MILR1: variants seen among roughly 807,000 people sequenced by gnomAD.
MILR1 encodes mast cell immunoglobulin like receptor 1, also known as allergin-1.
MILR1 carries 31 observed loss-of-function variants against 18.5 expected under a neutral mutation model. The ratio of observed to expected loss-of-function variants is 1.68; its 90% CI spans 1.26 to 2.26. The LOEUF (loss-of-function observed/expected upper bound fraction) is 2.26. MILR1 is among the 30% of genes most tolerant of loss of function. The pLI, the probability that MILR1 is intolerant of heterozygous loss-of-function variation, is 0.00. For synonymous variants in MILR1, 85 were observed against 56.2 expected (o/e 1.51, Z -2.30); for missense variants, 257 against 157.4 (o/e 1.63, Z -3.38).
rs782779208 is a variant in MILR1 at position 64,466,408 on chromosome 17, C to T, written c.854-34C>T. ...CCGACCTTTTCTAACACAAACGCCACCAACCCCCAATTTATGTCATTCTCA... is the reference window on the plus strand; with the variant it reads ...CCGACCTTTTCTAACACAAACGCCATCAACCCCCAATTTATGTCATTCTCA... On this transcript the variant is annotated intron_variant, in intron 6 of 9. Transcript: ENST00000619286. 5.0e-6 allele frequency: 8 copies of T among 1,601,128 alleles called. No individual in the cohort carries two copies. The East Asian group carries it at 1.8e-4, about 36-fold the overall frequency.
the MILR1 span, chr17:64,492,760 C>T: frequency 6.2e-7 from 1 of 1,611,590 alleles, no homozygotes; most frequent in South Asian, 1.1e-5. Context: ...AAGCTTCAGT[C>T]TTCTCACCAA....
intron 6 of MILR1, 43 bp from the exon 7 acceptor site, chr17:64,466,394 TAACAC>T: frequency 8.3e-6 from 13 of 1,558,618 alleles, no homozygotes; most frequent in Non-Finnish European, 1.1e-5. Context: ...CGACCTTTTC[TAACAC>T]AAACGCCACC....
At chr17:64,464,341 C>T (rs2037501223) in intron 5 of MILR1, among the ~76,000 whole-genome samples, 1 of 149,656 alleles carries the variant, frequency 6.7e-6, no homozygotes, top group South Asian at 2.1e-4. Context: ...AACTCCTGGA[C>T]TCAAACCATC....
chr17:64,464,793 A>G (rs538728742), intron 5 of MILR1, among the ~76,000 whole-genome samples: 1 of 152,330 alleles, frequency 6.6e-6, no homozygotes, highest in East Asian at 1.9e-4. Context: ...GCATTGTGGC[A>G]CATGCCTGTA....
Position 64,466,503 on chromosome 17 carries a change from G to A in MILR1, c.910+5G>A. 6.2e-7 allele frequency: 1 copy of A among 1,613,714 alleles called. No homozygotes were observed. The highest frequency in any genetic ancestry group is 8.5e-7 in the Non-Finnish European group (1 of 1,179,714). ...GTGTTTCCACAGCCCAAGATGGTGAGCATGTTCTGCAGAGTCTATTCCACT... is the reference window on the plus strand; with the variant it reads ...GTGTTTCCACAGCCCAAGATGGTGAACATGTTCTGCAGAGTCTATTCCACT... On this transcript the variant is annotated splice_donor_5th_base_variant and intron_variant, in intron 7 of 9. Coordinates refer to ENST00000619286, the MANE Select transcript of MILR1 (RefSeq NM_001085423.2).
At chr17:64,465,658 C>A (rs2037539344) in intron 6 of MILR1, 117 bp downstream of exon 6, 2 of 992,348 alleles carry the variant, frequency 2.0e-6, no homozygotes, top group Non-Finnish European at 3.0e-6. Flanking sequence ...AGTTCAATGT[C>A]TATTGATGCC....
Position 64,465,439 on chromosome 17 carries a change from C to T in MILR1, c.764-13C>T. The stretch of plus-strand genomic sequence containing the variant: ...AATTGGTTTAATTTGATGATTCCTA[C>T]CTATTTACGTAGGAAAAGCTATGAG... On this transcript the variant is annotated splice_polypyrimidine_tract_variant and intron_variant, in intron 5 of 9. Coordinates refer to ENST00000619286, the MANE Select transcript of MILR1 (RefSeq NM_001085423.2). 6.4e-7 allele frequency: 1 copy of T among 1,561,208 alleles called. No individual in the cohort carries two copies. The highest frequency in any genetic ancestry group is 8.8e-7 in the Non-Finnish European group (1 of 1,138,988).
intron 3 of MILR1, 94 bp downstream of exon 3, chr17:64,452,960 G>T: frequency 2.3e-6 from 1 of 432,924 alleles, no homozygotes; most frequent in Admixed American, 4.0e-5. Flanking sequence ...GAACACTTAA[G>T]AACCTGGAAA....
chr17:64,480,289 T>C, the MILR1 span: 5 of 1,459,892 alleles, frequency 3.4e-6, no homozygotes, highest in Admixed American at 1.7e-5. Flanking sequence ...CAATTCTTAC[T>C]TCGAATAAAG....
At chr17:64,451,579 G>C (rs962396574) in intron 2 of MILR1, among the ~76,000 whole-genome samples, 48 of 151,948 alleles carry the variant, frequency 3.2e-4, no homozygotes, top group African/African-American at 1.2e-3. Flanking sequence ...AGCATTCCTA[G>C]ATAAAAAAAA....
At chr17:64,474,384 A>AT in the MILR1 span, among the ~76,000 whole-genome samples, 8 of 150,884 alleles carry the variant, frequency 5.3e-5, no homozygotes, top group South Asian at 2.1e-4. Flanking sequence ...CTTATTTTTT[A>AT]TTTTTTTTGA....
the MILR1 span, among the ~76,000 whole-genome samples, chr17:64,476,290 G>A: frequency 6.6e-6 from 1 of 152,112 alleles, no homozygotes; most frequent in African/African-American, 2.4e-5. Flanking sequence ...TTGATATCAT[G>A]TAGTGTTATT....
At chr17:64,478,770 G>T in the MILR1 span, among the ~76,000 whole-genome samples, 1 of 151,694 alleles carries the variant, frequency 6.6e-6, no homozygotes, top group Non-Finnish European at 1.5e-5. Context: ...GGTGGCAGGC[G>T]CATGTAATCC....
At position 64,466,524 on chromosome 17, in the gene MILR1, C is replaced by A. The variant is rs1354502284; in HGVS notation, c.910+26C>A. 3 of 1,612,338 alleles carry A rather than the reference C, an allele frequency of 1.9e-6. No homozygotes were observed. In the African/African-American group the frequency reaches 4.0e-5, roughly 22 times the overall value. ...GTGAGCATGTTCTGCAGAGTCTATT[C>A]CACTGCCCTCATGCGCTTAGAAATT... On this transcript the variant is annotated intron_variant, in intron 7 of 9. Coordinates refer to ENST00000619286, the MANE Select transcript of MILR1 (RefSeq NM_001085423.2).
the MILR1 span, chr17:64,491,769 C>T: frequency 1.5e-5 from 10 of 650,984 alleles, no homozygotes; most frequent in South Asian, 2.9e-5. Context: ...CAAGCACGAG[C>T]GGCTATGCAA....
chr17:64,488,184 C>T, the MILR1 span, among the ~76,000 whole-genome samples: 1 of 151,944 alleles, frequency 6.6e-6, no homozygotes, highest in African/African-American at 2.4e-5. Flanking sequence ...AGCAACACAG[C>T]GAGACCCCAT....
the MILR1 span, among the ~76,000 whole-genome samples, chr17:64,496,026 A>G: frequency 2.0e-5 from 3 of 152,332 alleles, no homozygotes; most frequent in Middle Eastern, 3.4e-3. Flanking sequence ...ATCCTATGAT[A>G]TACATGAAAT....
At chr17:64,455,328 A>G (rs2037267065) in intron 3 of MILR1, among the ~76,000 whole-genome samples, 1 of 152,114 alleles carries the variant, frequency 6.6e-6, no homozygotes, top group Admixed American at 6.6e-5. Flanking sequence ...CGGAGTACCT[A>G]CTCCATGCAA....
At chr17:64,455,377 T>C (rs1392786349) in intron 3 of MILR1, among the ~76,000 whole-genome samples, 1 of 152,168 alleles carries the variant, frequency 6.6e-6, no homozygotes, top group Non-Finnish European at 1.5e-5. Flanking sequence ...GCCTAAAACA[T>C]AGTGTTGTCT....
Sources: gnomAD v4.1 joint callset for allele counts (sites outside exome capture counted in the v4.1 genomes callset) on GRCh38, gnomAD v4.1.1 for gene constraint, MANE v1.5 for transcripts, NCBI Gene and HGNC (gene_info 2026-07-23, HGNC 2026-07-21) for gene names.